The following B3GALT6 variants were observed in gnomAD, a reference collection of about 807,000 sequenced individuals.
B3GALT6 encodes the protein GAG GalTII.
Under a neutral mutation model 23.3 loss-of-function variants are expected in B3GALT6, and 27 were observed. The observed-to-expected ratio is 1.16, with a 90% CI of 0.85 to 1.60. B3GALT6 has a LOEUF of 1.60. B3GALT6 is among the 40% of genes most tolerant of loss of function. B3GALT6 has a pLI of 0.00. For missense variants in B3GALT6, 554 were observed against 471.1 expected (o/e 1.18, Z -1.63); for synonymous variants, 313 against 232.3 (o/e 1.35, Z -3.16).
In B3GALT6 at chr1:1,233,030, CG is replaced by C. The variant is rs1441862350; in HGVS notation, c.754del (p.Val252TrpfsTer26). ...GTGTCTCTGGGCGCCTGGCTGGCGCCGGTGGACGTCCAGCGGGAGCACGACC... is the reference window on the plus strand; with the variant it reads ...GTGTCTCTGGGCGCCTGGCTGGCGCCGTGGACGTCCAGCGGGAGCACGACC... ...EDVSLGAWLA[P>X]VDVQREHDPR... On this transcript the variant is annotated frameshift_variant, in exon 1 of 1. Coordinates refer to ENST00000379198, the MANE Select transcript of B3GALT6 (RefSeq NM_080605.4). LOFTEE classifies it high-confidence loss of function. 2 of 1,551,950 alleles carry C rather than the reference CG, an allele frequency of 1.3e-6. No homozygotes were observed. Among genetic ancestry groups the C allele is most frequent in the Admixed American group, 3.8e-5 (2 of 52,916 alleles).
chr1:1,232,772 C>T lies in B3GALT6; in HGVS notation c.494C>T (p.Ala165Val), dbSNP rs772521807. Residue 165 changes from alanine (A) to valine (V), a missense_variant, in exon 1 of 1, where the codon GCG (alanine) becomes GTG (valine). Ala to Val is a moderately conservative substitution (Grantham distance 64). Transcript: ENST00000379198. ...GACGACTCCTTCGCGCGGCTGGACGCGCTGCTGGCCGAGCTGCGCGCCCGC... is the reference window on the plus strand; with the variant it reads ...GACGACTCCTTCGCGCGGCTGGACGTGCTGCTGGCCGAGCTGCGCGCCCGC... ...ADDDSFARLD[A>V]LLAELRAREP... 3 of 1,390,922 alleles carry T rather than the reference C, an allele frequency of 2.2e-6. No individual in the cohort carries two copies. The highest frequency in any genetic ancestry group is 2.8e-6 in the Non-Finnish European group (3 of 1,074,716). 86.2% of individuals were successfully genotyped at this position (1,390,922 alleles called of 1,614,324 possible). A position where few individuals can be genotyped will look rare whatever the true frequency, so the allele number is the denominator to read the frequency against.
rs558454078 is a variant in B3GALT6 at position 1,232,619 on chromosome 1, C to T, written c.341C>T (p.Ala114Val). The T allele has an allele frequency of 4.8e-6, 6 of 1,246,770 alleles. No individual in the cohort carries two copies. The highest frequency in any genetic ancestry group is 4.8e-4 in the Middle Eastern group (2 of 4,136). 77.2% of individuals were successfully genotyped at this position (1,246,770 alleles called of 1,614,324 possible). Residue 114 changes from alanine (A) to valine (V), a missense_variant, in exon 1 of 1, where the codon GCG becomes GTG. Transcript: ENST00000379198. ...CGGCGCGCCCTGGAGCGGGAGCAGG[C>T]GCGGCACGGGGACCTGCTGCTGCTG... ...EERRALEREQ[A>V]RHGDLLLLPA... is the part of the protein sequence containing the mutation.
In B3GALT6 at chr1:1,233,222, C is replaced by T. The variant is rs1468551310; in HGVS notation, c.944C>T (p.Ser315Phe). The T allele has an allele frequency of 1.3e-6, 2 of 1,512,792 alleles. No homozygotes were observed. The highest frequency in any genetic ancestry group is 2.5e-5 in the East Asian group (1 of 39,622). 93.7% of individuals were successfully genotyped at this position (1,512,792 alleles called of 1,614,324 possible). A position where few individuals can be genotyped will look rare whatever the true frequency, so the allele number is the denominator to read the frequency against. Residue 315 changes from serine to phenylalanine, a missense_variant, in exon 1 of 1, where the codon TCC (serine) becomes TTC (phenylalanine). By Grantham distance (155) the Ser-to-Phe change is radical. Transcript: ENST00000379198. ...QLRLSYVYDW[S>F]APPSQCCQRR... ...CGCCTGTCCTACGTGTACGACTGGTCCGCGCCGCCCTCGCAGTGCTGCCAG... is the reference window on the plus strand; with the variant it reads ...CGCCTGTCCTACGTGTACGACTGGTTCGCGCCGCCCTCGCAGTGCTGCCAG...
At position 1,233,018 on chromosome 1, in the gene B3GALT6, C is replaced by T; in HGVS notation, c.740C>T (p.Ala247Val). 1.3e-6 allele frequency: 2 copies of T among 1,555,312 alleles called. No homozygotes were observed. The highest frequency in any genetic ancestry group is 2.3e-5 in the South Asian group (2 of 85,874). The change falls in exon 1 of 1, where the codon GCC (alanine) becomes GTC (valine). Residue 247 changes from alanine to valine, a missense_variant. Transcript: ENST00000379198. Reference protein sequence around the residue: ...AWHSEDVSLGAWLAPVDVQRE... With the variant: ...AWHSEDVSLGVWLAPVDVQRE... ...CACAGCGAGGACGTGTCTCTGGGCG[C>T]CTGGCTGGCGCCGGTGGACGTCCAG...
rs985711506 is a variant in B3GALT6 at position 1,234,563 on chromosome 1, C to G, written c.*1295C>G. On this transcript the variant is annotated 3_prime_UTR_variant, in exon 1 of 1. Coordinates refer to ENST00000379198, the MANE Select transcript of B3GALT6 (RefSeq NM_080605.4). ...GGGCCACCTTGAATCCAGGACTGAC[C>G]GCCCGTGTGTGCACAGTTTGTTCTT... 2 of 166,906 alleles carry G rather than the reference C, an allele frequency of 1.2e-5. No individual in the cohort carries two copies. Among genetic ancestry groups the G allele is most frequent in the African/African-American group, 4.8e-5 (2 of 41,404 alleles). 10.3% of individuals were successfully genotyped at this position (166,906 alleles called of 1,614,324 possible).
chr1:1,233,444 G>A lies in B3GALT6; in HGVS notation c.*176G>A, dbSNP rs1484395523. ...CTGGGGGTTGCCGGGGCAGCGCGCC[G>A]TGTCCAGGTGGAGGTGCCCGTTCCT... On this transcript the variant is annotated 3_prime_UTR_variant, in exon 1 of 1. Coordinates refer to ENST00000379198, the MANE Select transcript of B3GALT6 (RefSeq NM_080605.4). The A allele has an allele frequency of 3.5e-6, 3 of 847,662 alleles. No homozygotes were observed. Among genetic ancestry groups the A allele is most frequent in the East Asian group, 3.6e-5 (1 of 27,766 alleles). 52.5% of individuals were successfully genotyped at this position (847,662 alleles called of 1,614,324 possible). A position where few individuals can be genotyped will look rare whatever the true frequency, so the allele number is the denominator to read the frequency against.
At position 1,233,489 on chromosome 1, in the gene B3GALT6, C is replaced by T. The variant is rs1049991017; in HGVS notation, c.*221C>T. The T allele has an allele frequency of 2.1e-4, 108 of 522,130 alleles. No homozygotes were observed. Among genetic ancestry groups the T allele is most frequent in the African/African-American group, 7.3e-4 (36 of 49,234 alleles). 32.3% of individuals were successfully genotyped at this position (522,130 alleles called of 1,614,324 possible). On this transcript the variant is annotated 3_prime_UTR_variant, in exon 1 of 1. Transcript: ENST00000379198. ...GTTCCTGGACCTCAGCGAGCCTGAG[C>T]CGGGCCCGGCCGCACGCTGACCCCC...
chr1:1,233,230 C>G lies in B3GALT6; in HGVS notation c.952C>G (p.Pro318Ala). The G allele has an allele frequency of 1.3e-6, 2 of 1,499,840 alleles. No individual in the cohort carries two copies. Among genetic ancestry groups the G allele is most frequent in the Non-Finnish European group, 1.8e-6 (2 of 1,124,984 alleles). The allele number at this position is 1,499,840 out of a possible 1,614,324, so 92.9% of individuals were successfully genotyped here. ...CTACGTGTACGACTGGTCCGCGCCG[C>G]CCTCGCAGTGCTGCCAGAGAAGGGA... The part of the protein sequence containing the change: ...LSYVYDWSAP[P>A]SQCCQRREGI... The change falls in exon 1 of 1, where the codon CCC becomes GCC. Residue 318 changes from proline to alanine, a missense_variant. Physicochemically the swap from Pro to Ala is conservative, Grantham distance 27 (BLOSUM62 -1). Transcript: ENST00000379198.
Position 1,232,354 on chromosome 1 carries a change from C to T in B3GALT6, c.76C>T (p.Leu26=). The change falls in exon 1 of 1, where the codon CTG becomes TTG. Residue 26 remains leucine, a synonymous_variant. Transcript: ENST00000379198. ...CACGCTGGCGCTGTGCGGGGCGGCG[C>T]TGCTCTACCTGGCGCGCTGCGCGGC... The part of the protein sequence containing the change: ...LGTLALCGAA[L]LYLARCAAEP... 2.0e-6 allele frequency: 2 copies of T among 985,492 alleles called. No individual in the cohort carries two copies. Among genetic ancestry groups the T allele is most frequent in the Non-Finnish European group, 2.4e-6 (2 of 831,412 alleles). 61.0% of individuals were successfully genotyped at this position (985,492 alleles called of 1,614,324 possible).
Position 1,232,579 on chromosome 1 carries a change from C to T in B3GALT6, c.301C>T (p.Leu101=). The part of the protein sequence containing the change: ...WARFAVGTAG[L]GAEERRALER... Reference sequence around the variant, plus strand: ...GCGCTTTGCCGTGGGCACGGCCGGCCTGGGCGCCGAGGAGCGGCGCGCCCT... The same window carrying T: ...GCGCTTTGCCGTGGGCACGGCCGGCTTGGGCGCCGAGGAGCGGCGCGCCCT... The change falls in exon 1 of 1, where the codon CTG becomes TTG. Residue 101 remains leucine (L), a synonymous_variant. Transcript: ENST00000379198. 2.5e-6 allele frequency: 3 copies of T among 1,190,408 alleles called. No individual in the cohort carries two copies. Among genetic ancestry groups the T allele is most frequent in the Non-Finnish European group, 3.1e-6 (3 of 961,580 alleles). The allele number at this position is 1,190,408 out of a possible 1,614,324, so 73.7% of individuals were successfully genotyped here. A position where few individuals can be genotyped will look rare whatever the true frequency, so the allele number is the denominator to read the frequency against.
At position 1,233,086 on chromosome 1, in the gene B3GALT6, G is replaced by C; in HGVS notation, c.808G>C (p.Gly270Arg). ...CTTCGACACCGAATACCGGTCCCGC[G>C]GCTGCAGCAACCAGTACCTGGTGAC... ...PRFDTEYRSR[G>R]CSNQYLVTHK... Residue 270 changes from glycine to arginine, a missense_variant, in exon 1 of 1, where the codon GGC (glycine) becomes CGC (arginine). Gly to Arg is a moderately radical substitution (Grantham distance 125). Transcript: ENST00000379198. 6.4e-7 allele frequency: 1 copy of C among 1,559,564 alleles called. No homozygotes were observed. The highest frequency in any genetic ancestry group is 8.6e-7 in the Non-Finnish European group (1 of 1,157,004).
chr1:1,232,793 C>T lies in B3GALT6; in HGVS notation c.515C>T (p.Ala172Val), dbSNP rs200646244. Residue 172 changes from alanine (A) to valine (V), a missense_variant, in exon 1 of 1, where the codon GCC (alanine) becomes GTC (valine). By Grantham distance (64) the Ala-to-Val change is moderately conservative. Coordinates refer to ENST00000379198, the MANE Select transcript of B3GALT6 (RefSeq NM_080605.4). ...RLDALLAELR[A>V]REPARRRRLY... ...GACGCGCTGCTGGCCGAGCTGCGCG[C>T]CCGCGAGCCCGCGCGCCGCCGCCGC... 1,576 of 1,350,218 alleles carry T rather than the reference C, an allele frequency of 1.2e-3. 2 individuals are homozygous for T. Among genetic ancestry groups the T allele is most frequent in the Non-Finnish European group, 1.3e-3 (1,406 of 1,056,888 alleles). The allele number at this position is 1,350,218 out of a possible 1,614,324, so 83.6% of individuals were successfully genotyped here.
chr1:1,233,562 C>T lies in B3GALT6; in HGVS notation c.*294C>T, dbSNP rs1638588238. 2.9e-6 allele frequency: 1 copy of T among 348,782 alleles called. No individual in the cohort carries two copies. The highest frequency in any genetic ancestry group is 5.4e-6 in the Non-Finnish European group (1 of 184,406). 21.6% of individuals were successfully genotyped at this position (348,782 alleles called of 1,614,324 possible). On this transcript the variant is annotated 3_prime_UTR_variant, in exon 1 of 1. Transcript: ENST00000379198. ...GGGGCTGGGCTCCGATCTTCCGTGT[C>T]TCTTATCAGTGGCGTTTCTCACGTC...
At position 1,232,377 on chromosome 1, in the gene B3GALT6, G is replaced by C. The variant is rs1638533596; in HGVS notation, c.99G>C (p.Ala33=). 6 of 986,878 alleles carry C rather than the reference G, an allele frequency of 6.1e-6. No individual in the cohort carries two copies. The highest frequency in any genetic ancestry group is 7.2e-6 in the Non-Finnish European group (6 of 832,326). 61.1% of individuals were successfully genotyped at this position (986,878 alleles called of 1,614,324 possible). The change falls in exon 1 of 1, where the codon GCG becomes GCC. Residue 33 remains alanine, a synonymous_variant. Transcript: ENST00000379198. ...GAALLYLARC[A]AEPGDPRAMS... is the part of the protein sequence containing the mutation. ...CGCTGCTCTACCTGGCGCGCTGCGC[G>C]GCCGAGCCCGGGGACCCCAGGGCGA...
At position 1,232,530 on chromosome 1, in the gene B3GALT6, C is replaced by T. The variant is rs933332160; in HGVS notation, c.252C>T (p.Arg84=). ...TCCGCAGCACGTGGCTTGCGCGGCG[C>T]GGGGCCCCGGGCGACGTGTGGGCGC... ...SVIRSTWLAR[R]GAPGDVWARF... The change falls in exon 1 of 1, where the codon CGC becomes CGT. Residue 84 remains arginine, a synonymous_variant. Transcript: ENST00000379198. The T allele has an allele frequency of 2.2e-5, 25 of 1,142,708 alleles. No homozygotes were observed. The highest frequency in any genetic ancestry group is 3.3e-5 in the African/African-American group (2 of 60,588). 70.8% of individuals were successfully genotyped at this position (1,142,708 alleles called of 1,614,324 possible).
In B3GALT6 at chr1:1,232,948, C is replaced by G. The variant is rs1351950308; in HGVS notation, c.670C>G (p.Leu224Val). The change falls in exon 1 of 1, where the codon CTG becomes GTG. Residue 224 changes from leucine (L) to valine (V), a missense_variant. By Grantham distance (32) the Leu-to-Val change is conservative (BLOSUM62 1). Transcript: ENST00000379198. ...CGGCGGCTACGTGCTCTCGGCCGAC[C>G]TGGTGCACTACCTGCGCCTCAGCCG... ...LGGGYVLSAD[L>V]VHYLRLSRDY... 1.9e-6 allele frequency: 3 copies of G among 1,565,738 alleles called. No individual in the cohort carries two copies. Among genetic ancestry groups the G allele is most frequent in the Admixed American group, 3.6e-5 (2 of 56,202 alleles).
At position 1,232,504 on chromosome 1, in the gene B3GALT6, AT is replaced by A. The variant is rs1638539773; in HGVS notation, c.227del (p.Ile76ThrfsTer202). On this transcript the variant is annotated frameshift_variant, in exon 1 of 1. Transcript: ENST00000379198. LOFTEE classifies it high-confidence loss of function. ...APRAAERRSV[I>X]RSTWLARRGA... ...CCGCGCCGCCGAGCGCCGCAGCGTG[AT>A]CCGCAGCACGTGGCTTGCGCGGCGC... 9.1e-7 allele frequency: 1 copy of A among 1,100,012 alleles called. No homozygotes were observed. The highest frequency in any genetic ancestry group is 1.1e-6 in the Non-Finnish European group (1 of 905,570). The allele number at this position is 1,100,012 out of a possible 1,614,324, so 68.1% of individuals were successfully genotyped here. A position where few individuals can be genotyped will look rare whatever the true frequency, so the allele number is the denominator to read the frequency against.
rs779878052 is a variant in B3GALT6 at position 1,233,274 on chromosome 1, C to T, written c.*6C>T. On this transcript the variant is annotated 3_prime_UTR_variant, in exon 1 of 1. Coordinates refer to ENST00000379198, the MANE Select transcript of B3GALT6 (RefSeq NM_080605.4). Reference sequence around the variant, plus strand: ...GAAGGGAGGGCATCCCCTGAGCCGCCGCGGCCCGGCCCTCCGGGACACCTG... The same window carrying T: ...GAAGGGAGGGCATCCCCTGAGCCGCTGCGGCCCGGCCCTCCGGGACACCTG... 4.9e-5 allele frequency: 71 copies of T among 1,442,472 alleles called. 1 individual carries two copies. The highest frequency in any genetic ancestry group is 4.1e-4 in the South Asian group (29 of 70,240). 89.4% of individuals were successfully genotyped at this position (1,442,472 alleles called of 1,614,324 possible).
rs1237541016 is a variant in B3GALT6 at position 1,232,916 on chromosome 1, C to T, written c.638C>T (p.Ala213Val). Residue 213 changes from alanine (A) to valine (V), a missense_variant, in exon 1 of 1, where the codon GCG becomes GTG. Physicochemically the swap from Ala to Val is moderately conservative, Grantham distance 64 (BLOSUM62 0). Coordinates refer to ENST00000379198, the MANE Select transcript of B3GALT6 (RefSeq NM_080605.4). ...CTCTGCGACTACTACCTGCCCTACG[C>T]GCTGGGCGGCGGCTACGTGCTCTCG... The part of the protein sequence containing the change: ...WQLCDYYLPY[A>V]LGGGYVLSAD... The T allele has an allele frequency of 3.2e-6, 5 of 1,567,794 alleles. No individual in the cohort carries two copies. The highest frequency in any genetic ancestry group is 2.2e-4 in the Middle Eastern group (1 of 4,598).
Sources: allele counts gnomAD v4.1 joint callset, GRCh38; gene constraint gnomAD v4.1.1; transcripts MANE v1.5; gene names NCBI Gene and HGNC (gene_info 2026-07-23, HGNC 2026-07-21).